Variants in SLC4A7 observed in about 807,000 individuals in gnomAD.
SLC4A7 encodes sodium bicarbonate cotransporter 3.
SLC4A7 carries 51 observed loss-of-function variants against 137.6 expected under a neutral mutation model. The ratio of observed to expected loss-of-function variants is 0.37; its 90% CI spans 0.30 to 0.47. The LOEUF is 0.47. Ranked by LOEUF, SLC4A7 falls within the 20% of genes least tolerant of loss-of-function variation. SLC4A7 has a pLI of 1.00. For synonymous variants in SLC4A7, 542 were observed against 518.6 expected, an observed-to-expected ratio of 1.05 and a Z score of -0.61; for missense variants, 1,247 against 1,525.4, an observed-to-expected ratio of 0.82 and a Z score of 3.04.
chr3:27,448,402 G>C (rs9846461), intron 3 of SLC4A7, among the ~76,000 whole-genome samples: 3,648 of 151,740 alleles, frequency 0.024, 165 homozygotes, highest in African/African-American at 0.085. Context: ...GGGATACAAT[G>C]AAGAAAACAA....
chr3:27,442,064 C>T (rs1442788921), intron 3 of SLC4A7, among the ~76,000 whole-genome samples: 3 of 151,722 alleles, frequency 2.0e-5, no homozygotes, highest in Admixed American at 6.6e-5. Flanking sequence ...TTAGTAGAGA[C>T]GGGGTTTCAC....
At chr3:27,466,514 C>G (rs1338605999) in intron 1 of SLC4A7, among the ~76,000 whole-genome samples, 3 of 151,614 alleles carry the variant, frequency 2.0e-5, no homozygotes, top group African/African-American at 7.3e-5. Flanking sequence ...TGAGAAGATA[C>G]GTTTTAAATT....
intron 1 of SLC4A7, among the ~76,000 whole-genome samples, chr3:27,469,553 C>T (rs996869264): frequency 3.9e-5 from 6 of 152,092 alleles, no homozygotes; most frequent in Admixed American, 2.0e-4. Flanking sequence ...AAATGGAGTT[C>T]GAGACCAGCC....
At chr3:27,401,040 G>T (rs2052694825) in intron 15 of SLC4A7, 171 bp from the exon 16 acceptor site, 6 of 451,690 alleles carry the variant, frequency 1.3e-5, no homozygotes, top group Middle Eastern at 5.7e-4. Context: ...AATAAAGTTT[G>T]GGTTATAGAA....
At chr3:27,389,202 A>G (rs2051281277) in intron 22 of SLC4A7, among the ~76,000 whole-genome samples, 1 of 152,158 alleles carries the variant, frequency 6.6e-6, no homozygotes, top group Admixed American at 6.5e-5. Context: ...TCAAAGTTTT[A>G]GACAGACATT....
chr3:27,431,351 GCTTCT>G lies in SLC4A7; in HGVS notation c.1092_1096del (p.Leu364PhefsTer11). 6.2e-7 allele frequency: 1 copy of G among 1,612,372 alleles called. No individual in the cohort carries two copies. The highest frequency in any genetic ancestry group is 8.5e-7 in the Non-Finnish European group (1 of 1,179,142). ...CTTCTGCTCCTCGCCTTTCAGCGCT[GCTTCT>G]AAGTCTTCCTCAGGCGGATGAATTA... is the stretch of plus-strand genomic sequence containing the variant. On this transcript the variant is annotated frameshift_variant, in exon 7 of 26. Coordinates refer to ENST00000454389, the MANE Select transcript of SLC4A7 (RefSeq NM_001321103.2). LOFTEE classifies it high-confidence loss of function.
At chr3:27,380,648 T>C (rs2050334371) in intron 24 of SLC4A7, among the ~76,000 whole-genome samples, 1 of 152,208 alleles carries the variant, frequency 6.6e-6, no homozygotes, top group Non-Finnish European at 1.5e-5. Flanking sequence ...AAGTGCTCTG[T>C]TCATACTTAA....
Position 27,376,665 on chromosome 3 carries a change from C to A in SLC4A7, c.*99G>T. On this transcript the variant is annotated 3_prime_UTR_variant, in exon 26 of 26. Coordinates refer to ENST00000454389, the MANE Select transcript of SLC4A7 (RefSeq NM_001321103.2). The stretch of plus-strand genomic sequence containing the variant: ...TACTTTTAAAAACCCGGTAGTCACA[C>A]ATAAACAGCATGACATACAATATTC... The A allele has an allele frequency of 1.4e-6, 1 of 722,656 alleles. No individual in the cohort carries two copies. Among genetic ancestry groups the A allele is most frequent in the South Asian group, 2.0e-5 (1 of 50,916 alleles). The allele number at this position is 722,656 out of a possible 1,614,324, so 44.8% of individuals were successfully genotyped here.
intron 3 of SLC4A7, among the ~76,000 whole-genome samples, chr3:27,443,219 G>A (rs151151377): frequency 0.011 from 1,611 of 151,654 alleles, 10 homozygotes; most frequent in South Asian, 0.02. Context: ...TAGTAGAGAC[G>A]TGGTTTCACC....
intron 1 of SLC4A7, among the ~76,000 whole-genome samples, chr3:27,480,645 T>TGCCA (rs1308492555): frequency 1.3e-5 from 2 of 152,082 alleles, no homozygotes; most frequent in Non-Finnish European, 2.9e-5. Flanking sequence ...ATTCCTAGGG[T>TGCCA]GCCACATCAA....
intron 3 of SLC4A7, among the ~76,000 whole-genome samples, chr3:27,446,128 A>G (rs199597461): frequency 7.4e-4 from 66 of 89,058 alleles, no homozygotes; most frequent in South Asian, 1.2e-3. Context: ...GTGTGTGTGT[A>G]TATATATATA....
chr3:27,389,800 T>C (rs1156547100), intron 22 of SLC4A7, 131 bp downstream of exon 22: 3 of 636,462 alleles, frequency 4.7e-6, no homozygotes, highest in Non-Finnish European at 5.2e-6. Flanking sequence ...TAACAGCTAA[T>C]TCACATTTTC....
chr3:27,456,490 A>G (rs570304558), intron 1 of SLC4A7, among the ~76,000 whole-genome samples: 1 of 152,212 alleles, frequency 6.6e-6, no homozygotes, highest in Non-Finnish European at 1.5e-5. Flanking sequence ...ACTTTACACA[A>G]GGAATTACTC....
chr3:27,464,460 C>G (rs9875013), intron 1 of SLC4A7, among the ~76,000 whole-genome samples: 5,298 of 152,280 alleles, frequency 0.035, 106 homozygotes, highest in East Asian at 0.066. Flanking sequence ...GTAATCCCAG[C>G]ACTTTGGGAG....
chr3:27,424,116 A>C lies in SLC4A7; in HGVS notation c.1187T>G (p.Leu396Trp). 1 of 1,611,348 alleles carries C rather than the reference A, an allele frequency of 6.2e-7. No homozygotes were observed. The highest frequency in any genetic ancestry group is 8.5e-7 in the Non-Finnish European group (1 of 1,178,468). ...AATTTCTCCACTTTTACTATTGTCC[A>C]AGTTTCCAGGAGCAGACTGGGGAGA... ...LASPQSAPGN[L>W]DNSKSGEIKG... Residue 396 changes from leucine to tryptophan, a missense_variant, in exon 8 of 26, where the codon TTG (leucine) becomes TGG (tryptophan). Physicochemically the swap from Leu to Trp is moderately conservative, Grantham distance 61. Coordinates refer to ENST00000454389, the MANE Select transcript of SLC4A7 (RefSeq NM_001321103.2).
chr3:27,458,903 T>G (rs2058550105), intron 1 of SLC4A7, among the ~76,000 whole-genome samples: 1 of 152,174 alleles, frequency 6.6e-6, no homozygotes. Flanking sequence ...GGAAAGAGAA[T>G]TGCTGGAACC....
rs547866919 is a variant in SLC4A7 at position 27,480,517 on chromosome 3, A to T, written c.60+3550T>A. ...AGTACAGGGGTTACAGGCATAAGCC[A>T]CAGCACCTAGCCTTGTCCTACAGTT... On this transcript the variant is annotated intron_variant, in intron 1 of 25. Transcript: ENST00000454389. Among the ~76,000 whole-genome samples, 14 of 152,320 alleles carry T rather than the reference A, an allele frequency of 9.2e-5. No homozygotes were observed. The South Asian group carries it at 2.5e-3, about 27-fold the overall frequency.
chr3:27,389,906 CAAAAT>C lies in SLC4A7; in HGVS notation c.3360+20_3360+24del, dbSNP rs780145341. 8.3e-6 allele frequency: 13 copies of C among 1,574,222 alleles called. No individual in the cohort carries two copies. The African/African-American group carries it at 1.6e-4, about 20-fold the overall frequency. ...CTGTAAACATATTATTAATTAGTGA[CAAAAT>C]AAGTCTGAAGAAATCTTACCATCAT... is the stretch of plus-strand genomic sequence containing the variant. On this transcript the variant is annotated intron_variant, in intron 22 of 25. Coordinates refer to ENST00000454389, the MANE Select transcript of SLC4A7 (RefSeq NM_001321103.2).
Position 27,484,191 on chromosome 3 carries a change from G to T in SLC4A7, c.-65C>A, listed in dbSNP as rs2059844939. 2 of 1,193,560 alleles carry T rather than the reference G, an allele frequency of 1.7e-6. No homozygotes were observed. The highest frequency in any genetic ancestry group is 3.2e-5 in the African/African-American group (2 of 62,844). The allele number at this position is 1,193,560 out of a possible 1,614,324, so 73.9% of individuals were successfully genotyped here. On this transcript the variant is annotated 5_prime_UTR_variant, in exon 1 of 26. Transcript: ENST00000454389. Reference sequence around the variant, plus strand: ...CCCGCGCGGTCTGCCTGCTTCTGCCGCTGCCCCTGCCGCCGCCGCCGAGCC... The same window carrying T: ...CCCGCGCGGTCTGCCTGCTTCTGCCTCTGCCCCTGCCGCCGCCGCCGAGCC...
Sources: gnomAD v4.1 joint callset for allele counts (sites outside exome capture counted in the v4.1 genomes callset) on GRCh38, gnomAD v4.1.1 for gene constraint, MANE v1.5 for transcripts, NCBI Gene and HGNC (gene_info 2026-07-23, HGNC 2026-07-21) for gene names.